Variants in TMEM184B observed in about 807,000 individuals in gnomAD.
TMEM184B encodes the protein putative MAPK-activating protein FM08.
TMEM184B carries 17 observed loss-of-function variants against 41.8 expected under a neutral mutation model. The ratio of observed to expected loss-of-function variants is 0.41; its 90% CI spans 0.28 to 0.61. The LOEUF (loss-of-function observed/expected upper bound fraction) is 0.61, where lower values mean the gene tolerates loss of function less well. Among genes scored for constraint, TMEM184B ranks in the 20% least tolerant of loss-of-function variants. The pLI, the probability that TMEM184B is intolerant of heterozygous loss-of-function variation, is 0.34. For missense variants in TMEM184B, 393 were observed against 557.8 expected, an observed-to-expected ratio of 0.70 and a Z score of 2.98; for synonymous variants, 240 against 229.5, an observed-to-expected ratio of 1.05 and a Z score of -0.41.
chr22:38,242,693 C>T (rs980120068), intron 3 of TMEM184B, among the ~76,000 whole-genome samples: 1 of 152,334 alleles, frequency 6.6e-6, no homozygotes, highest in South Asian at 2.1e-4. Flanking sequence ...GAGGCAGCTG[C>T]AAGAGAGGGG....
At position 38,220,495 on chromosome 22, in the gene TMEM184B, G is replaced by A; in HGVS notation, c.*974C>T. The A allele has an allele frequency of 2.0e-6, 2 of 985,936 alleles. No individual in the cohort carries two copies. The highest frequency in any genetic ancestry group is 2.4e-6 in the Non-Finnish European group (2 of 830,050). The allele number at this position is 985,936 out of a possible 1,614,324, so 61.1% of individuals were successfully genotyped here. A position where few individuals can be genotyped will look rare whatever the true frequency, so the allele number is the denominator to read the frequency against. On this transcript the variant is annotated 3_prime_UTR_variant, in exon 9 of 9. Coordinates refer to ENST00000361906, the MANE Select transcript of TMEM184B (RefSeq NM_012264.5). The stretch of plus-strand genomic sequence containing the variant: ...CCCCCACCTCCCAGCTCCCCACTGT[G>A]TGGCCACCCCTCCCGGTCTCCCTGC...
chr22:38,242,368 C>T (rs1602425070), intron 3 of TMEM184B, among the ~76,000 whole-genome samples: 1 of 151,884 alleles, frequency 6.6e-6, no homozygotes, highest in Non-Finnish European at 1.5e-5. Flanking sequence ...GTCCCAGCTA[C>T]TCGAGAGGCT....
intron 1 of TMEM184B, among the ~76,000 whole-genome samples, chr22:38,251,800 G>T (rs560930497): frequency 6.6e-6 from 1 of 152,242 alleles, no homozygotes; most frequent in Non-Finnish European, 1.5e-5. Flanking sequence ...GTGGGGAAGG[G>T]CTCCATCCAT....
At chr22:38,272,748 T>A in intron 1 of TMEM184B, 136 bp downstream of exon 1, 2 of 985,208 alleles carry the variant, frequency 2.0e-6, no homozygotes. Flanking sequence ...GCCTCCGTAG[T>A]GCCCTCCCCG....
chr22:38,232,254 A>T lies in TMEM184B; in HGVS notation c.359-920T>A, dbSNP rs534401353. 1.2e-3 allele frequency: 184 copies of T among 152,264 alleles called. 1 individual carries two copies. Among genetic ancestry groups the T allele is most frequent in the African/African-American group, 4.1e-3 (171 of 41,534 alleles). 9.4% of individuals were successfully genotyped at this position (152,264 alleles called of 1,614,324 possible). A position where few individuals can be genotyped will look rare whatever the true frequency, so the allele number is the denominator to read the frequency against. On this transcript the variant is annotated intron_variant, in intron 3 of 8. Coordinates refer to ENST00000361906, the MANE Select transcript of TMEM184B (RefSeq NM_012264.5). ...GGGAAGCTTGGGCTGCTCATTCTAA[A>T]TTGGGACTCGGCTCAACATCTCCAC...
downstream of TMEM184B, among the ~76,000 whole-genome samples, chr22:38,219,068 C>A (rs115311760): frequency 6.6e-6 from 1 of 152,210 alleles, no homozygotes; most frequent in African/African-American, 2.4e-5. Context: ...GCCTGCGGCC[C>A]GGCCGTCCTG....
intron 1 of TMEM184B, among the ~76,000 whole-genome samples, chr22:38,270,978 C>T (rs1398014082): frequency 6.6e-6 from 1 of 152,236 alleles, no homozygotes; most frequent in East Asian, 1.9e-4. Context: ...GGACAAGTGG[C>T]TCATTCACCC....
At chr22:38,267,622 G>A (rs1188891501) in intron 1 of TMEM184B, among the ~76,000 whole-genome samples, 2 of 151,836 alleles carry the variant, frequency 1.3e-5, no homozygotes, top group Non-Finnish European at 2.9e-5. Context: ...TAGTAGAGAC[G>A]GGGTTTCACC....
chr22:38,221,887 G>T (rs2091271053), intron 8 of TMEM184B, 177 bp from the exon 9 acceptor site: 5 of 926,330 alleles, frequency 5.4e-6, no homozygotes, highest in Non-Finnish European at 7.9e-6. Flanking sequence ...AGGAAAAAAT[G>T]GACTTCTTTG....
At chr22:38,243,553 GCC>G (rs2091961674) in intron 3 of TMEM184B, among the ~76,000 whole-genome samples, 1 of 152,192 alleles carries the variant, frequency 6.6e-6, no homozygotes, top group Non-Finnish European at 1.5e-5. Context: ...GCCAATTCCA[GCC>G]TTTATGGTGC....
chr22:38,245,391 C>T (rs887147158), intron 3 of TMEM184B, among the ~76,000 whole-genome samples: 2 of 142,864 alleles, frequency 1.4e-5, no homozygotes, highest in East Asian at 2.1e-4. Flanking sequence ...CTGCCTGAGA[C>T]GCCAGCATTG....
chr22:38,237,927 G>A (rs868023835), intron 3 of TMEM184B, among the ~76,000 whole-genome samples: 1 of 151,400 alleles, frequency 6.6e-6, no homozygotes, highest in Non-Finnish European at 1.5e-5. Flanking sequence ...TCAGCCTCCC[G>A]AGTGGCTGGA....
At chr22:38,245,269 C>T (rs889306463) in intron 3 of TMEM184B, among the ~76,000 whole-genome samples, 6 of 152,184 alleles carry the variant, frequency 3.9e-5, no homozygotes, top group Non-Finnish European at 8.8e-5. Flanking sequence ...CTGCCTGAGA[C>T]GCCAGCATTG....
downstream of TMEM184B, among the ~76,000 whole-genome samples, chr22:38,218,618 G>C (rs574688531): frequency 3.9e-5 from 6 of 152,156 alleles, no homozygotes; most frequent in Admixed American, 3.9e-4. Context: ...TAGGTAGGCC[G>C]TGTCCACGGG....
At position 38,220,044 on chromosome 22, in the gene TMEM184B, T is replaced by C. The variant is rs962478305; in HGVS notation, c.*1425A>G. 1 of 985,530 alleles carries C rather than the reference T, an allele frequency of 1.0e-6. No individual in the cohort carries two copies. The highest frequency in any genetic ancestry group is 1.2e-6 in the Non-Finnish European group (1 of 829,998). 61.0% of individuals were successfully genotyped at this position (985,530 alleles called of 1,614,324 possible). On this transcript the variant is annotated 3_prime_UTR_variant, in exon 9 of 9. Transcript: ENST00000361906. ...CCGGCAGGGTCCCTCTCCCTTACCC[T>C]ACCAGCTTCTCCAGGTGACTGCAGC...
At chr22:38,258,457 G>A (rs1311059150) in intron 1 of TMEM184B, among the ~76,000 whole-genome samples, 2 of 151,900 alleles carry the variant, frequency 1.3e-5, no homozygotes, top group Non-Finnish European at 2.9e-5. Context: ...TAAGCCACAT[G>A]CCCGGCTAAT....
chr22:38,265,851 T>G (rs1361985713), intron 1 of TMEM184B, among the ~76,000 whole-genome samples: 1 of 152,186 alleles, frequency 6.6e-6, no homozygotes, highest in African/African-American at 2.4e-5. Context: ...TGCCAGTAGC[T>G]ACAGCGGCGC....
At chr22:38,242,639 G>T (rs2091937685) in intron 3 of TMEM184B, among the ~76,000 whole-genome samples, 1 of 152,200 alleles carries the variant, frequency 6.6e-6, no homozygotes, top group Admixed American at 6.5e-5. Flanking sequence ...GGTGAGAGGG[G>T]AAATACAAGG....
At position 38,219,687 on chromosome 22, in the gene TMEM184B, AACC is replaced by A; in HGVS notation, c.*1779_*1781del. 1 of 985,510 alleles carries A rather than the reference AACC, an allele frequency of 1.0e-6. No homozygotes were observed. The highest frequency in any genetic ancestry group is 1.2e-6 in the Non-Finnish European group (1 of 829,944). The allele number at this position is 985,510 out of a possible 1,614,324, so 61.0% of individuals were successfully genotyped here. On this transcript the variant is annotated 3_prime_UTR_variant, in exon 9 of 9. Transcript: ENST00000361906. ...CAAACAGCAACGCTGGGCAGGCGAA[AACC>A]AAGGGAGTGGGAATCAGCAGCACTT... is the stretch of plus-strand genomic sequence containing the variant.
Sources: gnomAD v4.1 joint callset for allele counts (sites outside exome capture counted in the v4.1 genomes callset) on GRCh38, gnomAD v4.1.1 for gene constraint, MANE v1.5 for transcripts, NCBI Gene and HGNC (gene_info 2026-07-23, HGNC 2026-07-21) for gene names.